The following DPYD variants were observed in gnomAD, a reference collection of about 807,000 sequenced individuals.
DPYD encodes dihydropyrimidine dehydrogenase [NADP(+)].
A neutral mutation model predicts 116.2 loss-of-function variants in DPYD; 109 were observed. The observed-to-expected ratio is 0.94, with a 90% CI of 0.80 to 1.10. The LOEUF is 1.10. DPYD is among the 50% of genes least tolerant of loss of function. DPYD has a pLI of 0.00. For missense variants in DPYD, 1,302 were observed against 1,254.5 expected (o/e 1.04, Z -0.57); for synonymous variants, 440 against 432.0 (o/e 1.02, Z -0.23).
chr1:97,786,617 A>G (rs1039009211), intron 3 of DPYD, among the ~76,000 whole-genome samples: 6 of 152,226 alleles, frequency 3.9e-5, no homozygotes, highest in Non-Finnish European at 8.8e-5. Flanking sequence ...AAGTCATTTT[A>G]TTAGCTTGTC....
chr1:97,350,440 C>T (rs1201295341), intron 16 of DPYD, among the ~76,000 whole-genome samples: 1 of 152,092 alleles, frequency 6.6e-6, no homozygotes, highest in Non-Finnish European at 1.5e-5. Flanking sequence ...TTGCTCATAA[C>T]ATTTTTATAT....
At chr1:97,888,819 A>G (rs1469030662) in intron 1 of DPYD, among the ~76,000 whole-genome samples, 3 of 152,196 alleles carry the variant, frequency 2.0e-5, no homozygotes, top group East Asian at 3.9e-4. Flanking sequence ...ATAACAAACA[A>G]TAAGAGAATT....
intron 13 of DPYD, among the ~76,000 whole-genome samples, chr1:97,514,804 A>G (rs539118835): frequency 6.6e-6 from 1 of 151,886 alleles, no homozygotes; most frequent in African/African-American, 2.4e-5. Flanking sequence ...AGACAGCCTT[A>G]ATGTTTTAGC....
intron 20 of DPYD, among the ~76,000 whole-genome samples, chr1:97,134,860 C>T (rs1653665160): frequency 6.6e-6 from 1 of 151,944 alleles, no homozygotes; most frequent in South Asian, 2.1e-4. Context: ...CTCAGTGAAA[C>T]CAAGGTATGG....
intron 16 of DPYD, among the ~76,000 whole-genome samples, chr1:97,329,979 C>T (rs756055569): frequency 2.6e-5 from 4 of 151,554 alleles, no homozygotes; most frequent in Non-Finnish European, 4.4e-5. Flanking sequence ...CCAAAATATG[C>T]AATGTATTTC....
intron 16 of DPYD, among the ~76,000 whole-genome samples, chr1:97,318,630 T>G (rs1388428249): frequency 2.0e-5 from 3 of 151,808 alleles, no homozygotes; most frequent in African/African-American, 4.8e-5. Flanking sequence ...ACATTAATAA[T>G]GAGACACTTT....
intron 14 of DPYD, among the ~76,000 whole-genome samples, chr1:97,434,786 T>A (rs1675379567): frequency 2.0e-5 from 3 of 152,080 alleles, no homozygotes; most frequent in Non-Finnish European, 4.4e-5. Context: ...TACAGTTTCT[T>A]AGCAGAACAG....
chr1:97,574,710 T>G (rs1228356035), intron 10 of DPYD, among the ~76,000 whole-genome samples: 1 of 152,176 alleles, frequency 6.6e-6, no homozygotes, highest in Non-Finnish European at 1.5e-5. Context: ...TTGCTTATTT[T>G]TCCATTAATT....
chr1:97,382,507 G>T, intron 14 of DPYD, 46 bp from the exon 15 acceptor site: 1 of 1,156,270 alleles, frequency 8.6e-7, no homozygotes, highest in Non-Finnish European at 1.2e-6. Context: ...TAGTTATCCA[G>T]TTGTACACAA....
chr1:97,216,681 C>T (rs1660419006), intron 19 of DPYD, among the ~76,000 whole-genome samples: 1 of 151,882 alleles, frequency 6.6e-6, no homozygotes, highest in Non-Finnish European at 1.5e-5. Context: ...TGTAGTCCCA[C>T]CTACTCAGAA....
At position 97,334,949 on chromosome 1, in the gene DPYD, G is replaced by C. The variant is rs78514730; in HGVS notation, c.2059-28652C>G. The stretch of plus-strand genomic sequence containing the variant: ...GTGCATATTGGGAAAAGCACTGTGT[G>C]TAAGTGTGTTACCACGGAGGTTCTG... On this transcript the variant is annotated intron_variant, in intron 16 of 22. Transcript: ENST00000370192. Among the ~76,000 whole-genome samples, 851 of 152,284 alleles carry C rather than the reference G, an allele frequency of 5.6e-3. 4 individuals are homozygous for C. Among genetic ancestry groups the C allele is most frequent in the Middle Eastern group, 0.01 (3 of 294 alleles).
intron 3 of DPYD, among the ~76,000 whole-genome samples, chr1:97,748,120 T>C (rs1031375452): frequency 6.6e-6 from 1 of 152,140 alleles, no homozygotes; most frequent in Non-Finnish European, 1.5e-5. Flanking sequence ...CATATACATA[T>C]GCTTTAAGGG....
chr1:97,765,745 T>C (rs1340793060), intron 3 of DPYD, among the ~76,000 whole-genome samples: 1 of 152,158 alleles, frequency 6.6e-6, no homozygotes, highest in South Asian at 2.1e-4. Flanking sequence ...AACAGCTAGT[T>C]GATGAAAGAC....
chr1:97,897,743 T>C (rs1673152197), intron 1 of DPYD, among the ~76,000 whole-genome samples: 1 of 151,936 alleles, frequency 6.6e-6, no homozygotes, highest in Non-Finnish European at 1.5e-5. Flanking sequence ...ACTTCATTTT[T>C]TGAACATATA....
intron 11 of DPYD, among the ~76,000 whole-genome samples, chr1:97,561,380 TC>T (rs1652131578): frequency 6.6e-6 from 1 of 152,226 alleles, no homozygotes; most frequent in African/African-American, 2.4e-5. Context: ...GTCACTTCAT[TC>T]TTTTCATTCA....
intron 3 of DPYD, among the ~76,000 whole-genome samples, chr1:97,766,200 CATTGCACTCCA>C (rs1665846887): frequency 6.6e-6 from 1 of 152,068 alleles, no homozygotes; most frequent in Non-Finnish European, 1.5e-5. Context: ...GAGATTGCGC[CATTGCACTCCA>C]GCCTAGGCAA....
chr1:97,277,375 A>T (rs1292959921), intron 18 of DPYD, among the ~76,000 whole-genome samples: 2 of 148,468 alleles, frequency 1.3e-5, no homozygotes, highest in African/African-American at 4.9e-5. Flanking sequence ...GTTGAAATTA[A>T]AAAAAAAAAG....
intron 4 of DPYD, among the ~76,000 whole-genome samples, chr1:97,733,817 G>A (rs1663767132): frequency 6.6e-6 from 1 of 151,828 alleles, no homozygotes; most frequent in Admixed American, 6.6e-5. Flanking sequence ...AGTAACACAG[G>A]GGTTTACTTT....
rs147005456 is a variant in DPYD, at chr1:97,889,114, G to A, written c.40-5740C>T. ...GGAGGTTACAATGAGCCGAGATCAC[G>A]CCACTGCACTCCAGCCTAGGCAACA... On this transcript the variant is annotated intron_variant, in intron 1 of 22. Coordinates refer to ENST00000370192, the MANE Select transcript of DPYD (RefSeq NM_000110.4). Among the ~76,000 whole-genome samples, 1,002 of 152,078 alleles carry A rather than the reference G, an allele frequency of 6.6e-3. 14 individuals are homozygous for A. The highest frequency in any genetic ancestry group is 0.023 in the African/African-American group (948 of 41,516).
Sources: gnomAD v4.1 joint callset for allele counts (sites outside exome capture counted in the v4.1 genomes callset) on GRCh38, gnomAD v4.1.1 for gene constraint, MANE v1.5 for transcripts, NCBI Gene and HGNC (gene_info 2026-07-23, HGNC 2026-07-21) for gene names.